GRHL3: variants seen among roughly 807,000 people sequenced by gnomAD.
GRHL3 encodes grainyhead like transcription factor 3, also known as grainyhead-like protein 3 homolog.
In GRHL3, 20 loss-of-function variants were observed where a neutral mutation model predicts 70.3. The observed-to-expected ratio is 0.28, with a 90% CI of 0.20 to 0.41. GRHL3 has a LOEUF of 0.41. Among genes scored for constraint, GRHL3 ranks in the 10% least tolerant of loss-of-function variants. GRHL3 has a pLI of 1.00. For synonymous variants in GRHL3, 299 were observed against 299.9 expected (o/e 1.00, Z 0.03); for missense variants, 637 against 762.3 (o/e 0.84, Z 1.94).
chr1:24,345,071 G>T, intron 12 of GRHL3, 140 bp downstream of exon 12: 1 of 579,044 alleles, frequency 1.7e-6, no homozygotes. Context: ...CTCCACACCT[G>T]TGCCCCCTCT....
chr1:24,323,774 TC>T (rs1639293614), intron 1 of GRHL3, among the ~76,000 whole-genome samples: 1 of 152,160 alleles, frequency 6.6e-6, no homozygotes, highest in African/African-American at 2.4e-5. Context: ...GCTGGCTGCC[TC>T]CCCCTCTCTA....
intron 3 of GRHL3, among the ~76,000 whole-genome samples, chr1:24,336,125 G>A (rs1017772833): frequency 6.6e-6 from 1 of 151,988 alleles, no homozygotes; most frequent in Non-Finnish European, 1.5e-5. Flanking sequence ...CACCCCGCTA[G>A]GGTTGACTCA....
At chr1:24,359,473 A>G (rs1472147127), downstream of GRHL3, among the ~76,000 whole-genome samples, 3 of 152,200 alleles carry the variant, frequency 2.0e-5, no homozygotes. This position sits in a 1 kb window ranked among gnomAD's most constrained non-coding sequence, Gnocchi z 5.3. Flanking sequence ...CCCCAGATCA[A>G]ACCTCTACAG....
rs777703670 is a variant in GRHL3, at chr1:24,350,076, T to C, written c.1648T>C (p.Phe550Leu). 2 of 1,613,208 alleles carry C rather than the reference T, an allele frequency of 1.2e-6. No homozygotes were observed. The highest frequency in any genetic ancestry group is 1.3e-5 in the African/African-American group (1 of 74,800). The change falls in exon 15 of 16, where the codon TTC (phenylalanine) becomes CTC (leucine). Residue 550 changes from phenylalanine to leucine, a missense_variant. Coordinates refer to ENST00000361548, the MANE Select transcript of GRHL3 (RefSeq NM_198173.3). ...LRNAISEKYGFPEENIYKVYK... is the reference protein window; with the variant it reads ...LRNAISEKYGLPEENIYKVYK... Reference sequence around the variant, plus strand: ...CTTCCAGATCTCTGAGAAGTATGGGTTCCCTGAAGAGAACATTTACAAAGT... The same window carrying C: ...CTTCCAGATCTCTGAGAAGTATGGGCTCCCTGAAGAGAACATTTACAAAGT...
At chr1:24,346,215 TCA>T (rs1640278137) in intron 12 of GRHL3, among the ~76,000 whole-genome samples, 2 of 151,468 alleles carry the variant, frequency 1.3e-5, no homozygotes, top group Non-Finnish European at 2.9e-5. Flanking sequence ...CTCCTGTGCG[TCA>T]CAGTGTTCTA....
At chr1:24,350,814 G>T (rs1028788858) in intron 15 of GRHL3, among the ~76,000 whole-genome samples, 63 of 152,212 alleles carry the variant, frequency 4.1e-4, no homozygotes, top group African/African-American at 1.4e-3. Context: ...CCTCCAGGGG[G>T]CAGGCAGTGC....
At chr1:24,319,896 T>G in intron 1 of GRHL3, 1 of 453,376 alleles carries the variant, frequency 2.2e-6, no homozygotes. Context: ...ACGACCCCAA[T>G]CCCATCGAGG....
intron 2 of GRHL3, among the ~76,000 whole-genome samples, chr1:24,332,513 T>C (rs1206983745): frequency 6.6e-6 from 1 of 152,194 alleles, no homozygotes; most frequent in Non-Finnish European, 1.5e-5. Flanking sequence ...GCAGCCTGCA[T>C]TCTCATGAAG....
intron 15 of GRHL3, chr1:24,361,066 A>G (rs376495615): frequency 1.1e-4 from 170 of 1,588,356 alleles, no homozygotes; most frequent in Middle Eastern, 6.7e-4. Context: ...AAACGGGAAG[A>G]TGTCACTAAG....
downstream of GRHL3, chr1:24,357,654 C>A (rs185569228): frequency 5.4e-5 from 9 of 165,412 alleles, no homozygotes; most frequent in South Asian, 1.4e-3. Flanking sequence ...GACTAAACAG[C>A]GTCAGTCAAA....
At chr1:24,343,047 C>CGGGAAGGAGCCGAGAGAGGGTCCT (rs1640112210) in intron 11 of GRHL3, 22 bp downstream of exon 11, 8 of 1,613,738 alleles carry the variant, frequency 5.0e-6, no homozygotes, top group East Asian at 2.2e-5. Context: ...GCTGGGGTCT[C>CGGGAAGGAGCCGAGAGAGGGTCCT]GGGAAGGAGC....
In GRHL3 at chr1:24,364,208, G is replaced by A. The variant is rs151326764; in HGVS notation, c.1718G>A (p.Arg573His). 8.2e-4 allele frequency: 1,268 copies of A among 1,538,304 alleles called. 4 individuals carry two copies. The highest frequency in any genetic ancestry group is 9.3e-4 in the Non-Finnish European group (1,064 of 1,141,092). Residue 573 changes from arginine (R) to histidine (H), a missense_variant, in exon 16 of 16, where the codon CGC becomes CAC. Physicochemically the swap from Arg to His is conservative, Grantham distance 29. Coordinates refer to the GRHL3 transcript ENST00000350501. The stretch of plus-strand genomic sequence containing the variant: ...AGGGAAACTTCTCTCCTCCACCCAC[G>A]CCTGTCTCGCCACCCCCCACCTGAC...
chr1:24,358,780 T>C (rs74449398), downstream of GRHL3, among the ~76,000 whole-genome samples: 5,190 of 152,298 alleles, frequency 0.034, 231 homozygotes, highest in African/African-American at 0.1. Context: ...CCGAGGTTAT[T>C]TGGCTCTTAA....
At chr1:24,345,125 C>CT (rs1640214580) in intron 12 of GRHL3, among the ~76,000 whole-genome samples, 194 bp downstream of exon 12, 1 of 98,896 alleles carries the variant, frequency 1.0e-5, no homozygotes, top group Non-Finnish European at 2.2e-5. Flanking sequence ...ACACCTGTGC[C>CT]CCTCCACACC....
At chr1:24,332,717 C>G (rs1241223228) in intron 2 of GRHL3, among the ~76,000 whole-genome samples, 1 of 152,230 alleles carries the variant, frequency 6.6e-6, no homozygotes, top group East Asian at 1.9e-4. Flanking sequence ...TTAAAGCCAC[C>G]TTGTACAGAA....
rs142248927 is a variant in GRHL3 at position 24,331,440 on chromosome 1, G to A, written c.32G>A (p.Arg11Gln). Residue 11 changes from arginine to glutamine, a missense_variant, in exon 2 of 16, where the codon CGG (arginine) becomes CAG (glutamine). Physicochemically the swap from Arg to Gln is conservative, Grantham distance 43. Around this residue, in one of 2 missense-constraint regions of GRHL3, gnomAD observed 250 missense variants for 248.6 expected, o/e 1.01. Transcript: ENST00000361548. MSNELDFRSV[R>Q]LLKNDPVNLQ... is the part of the protein sequence containing the mutation. ...CTTGCATTCAGTTTCAGGTCTGTGC[G>A]GCTGCTAAAGAACGACCCAGTCAAC... is the stretch of plus-strand genomic sequence containing the variant. 2.2e-4 allele frequency: 347 copies of A among 1,612,412 alleles called. No homozygotes were observed. The African/African-American group carries it at 2.8e-3, about 13-fold the overall frequency.
intron 7 of GRHL3, 37 bp downstream of exon 7, chr1:24,338,140 C>T (rs767327739): frequency 3.6e-6 from 5 of 1,371,044 alleles, no homozygotes; most frequent in Admixed American, 3.8e-5. Context: ...CAGCTCCCCT[C>T]TCTCTCCCCA....
downstream of GRHL3, chr1:24,356,859 G>A (rs1414835858): frequency 4.6e-5 from 7 of 152,200 alleles, no homozygotes; most frequent in African/African-American, 1.4e-4. Context: ...TTTTAAAAAG[G>A]TGTGAAAACC....
intron 14 of GRHL3, among the ~76,000 whole-genome samples, chr1:24,348,682 T>G (rs897769503): frequency 6.6e-6 from 1 of 152,218 alleles, no homozygotes. Context: ...ATGGTGTCTT[T>G]GTCCAATTTG....
Sources: gnomAD v4.1 joint callset for allele counts (sites outside exome capture counted in the v4.1 genomes callset) on GRCh38, gnomAD v4.1.1 for gene constraint, gnomAD v4.1.1 regional missense constraint, Gnocchi (gnomAD v3.1) non-coding constraint, MANE v1.5 for transcripts, NCBI Gene and HGNC (gene_info 2026-07-23, HGNC 2026-07-21) for gene names.